The following TRERF1 variants were observed in gnomAD, a reference collection of about 807,000 sequenced individuals.
The protein encoded by TRERF1 is transcriptional-regulating factor 1.
Under a neutral mutation model 122.9 loss-of-function variants are expected in TRERF1, and 27 were observed. That is an observed-to-expected ratio of 0.22 (90% CI 0.16 to 0.30). The LOEUF (loss-of-function observed/expected upper bound fraction) is 0.30, where lower values mean the gene tolerates loss of function less well. Among genes scored for constraint, TRERF1 ranks in the 10% least tolerant of loss-of-function variants. The pLI, the probability that TRERF1 is intolerant of heterozygous loss-of-function variation, is 1.00. For missense variants in TRERF1, 1,248 were observed against 1,560.3 expected, an observed-to-expected ratio of 0.80 and a Z score of 3.37; for synonymous variants, 636 against 641.7, an observed-to-expected ratio of 0.99 and a Z score of 0.13.
intron 15 of TRERF1, among the ~76,000 whole-genome samples, chr6:42,237,019 T>C (rs1326579739): frequency 6.6e-6 from 1 of 152,268 alleles, no homozygotes; most frequent in Non-Finnish European, 1.5e-5. Flanking sequence ...TTCCCTTTTA[T>C]TTGTCATGTG....
At chr6:42,365,527 G>T (rs1461692626) in intron 2 of TRERF1, among the ~76,000 whole-genome samples, 1 of 152,136 alleles carries the variant, frequency 6.6e-6, no homozygotes, top group Non-Finnish European at 1.5e-5. Flanking sequence ...CGCATGAGAA[G>T]ATTCATTATT....
chr6:42,382,097 G>T (rs1466606589), intron 2 of TRERF1, among the ~76,000 whole-genome samples: 1 of 151,726 alleles, frequency 6.6e-6, no homozygotes, highest in Non-Finnish European at 1.5e-5. Flanking sequence ...GGTGAGGAGT[G>T]AGGAGTGAAG....
chr6:42,274,229 G>T (rs931626048), intron 4 of TRERF1, among the ~76,000 whole-genome samples: 1 of 152,208 alleles, frequency 6.6e-6, no homozygotes, highest in African/African-American at 2.4e-5. Flanking sequence ...CCCTCTTGGT[G>T]AGTCCGATGC....
intron 2 of TRERF1, among the ~76,000 whole-genome samples, chr6:42,373,286 A>T (rs972293759): frequency 6.6e-6 from 1 of 152,044 alleles, no homozygotes; most frequent in African/African-American, 2.4e-5. Flanking sequence ...TAATCCTAGC[A>T]CTTTGGGAGG....
Position 42,274,930 on chromosome 6 carries a change from C to T in TRERF1, c.-258-5082G>A, listed in dbSNP as rs142534567. Among the ~76,000 whole-genome samples, 400 of 152,202 alleles carry T rather than the reference C, an allele frequency of 2.6e-3. 3 individuals carry two copies. The highest frequency in any genetic ancestry group is 4.4e-3 in the South Asian group (21 of 4,814). On this transcript the variant is annotated intron_variant, in intron 4 of 17. Coordinates refer to ENST00000372922, the Ensembl canonical transcript of TRERF1. ...GAAAAGCATGCAAATTGTAAAAATA[C>T]GGGCGTGAAAAGTCTCCCTCCACCT...
chr6:42,227,316 G>A (rs1367374764), exon 18 of TRERF1: 1 of 152,212 alleles, frequency 6.6e-6, no homozygotes, highest in Non-Finnish European at 1.5e-5. Flanking sequence ...CAGTCCAGCG[G>A]ATGTGAATTA....
intron 3 of TRERF1, among the ~76,000 whole-genome samples, chr6:42,322,157 T>G (rs543483654): frequency 3.7e-4 from 57 of 152,170 alleles, no homozygotes; most frequent in Middle Eastern, 3.4e-3. Flanking sequence ...GAATCTTACT[T>G]ATAAAGGTAA....
intron 2 of TRERF1, among the ~76,000 whole-genome samples, chr6:42,377,112 T>A (rs1019780961): frequency 1.3e-5 from 2 of 149,506 alleles, no homozygotes; most frequent in Non-Finnish European, 3.0e-5. Flanking sequence ...GTGATCCACC[T>A]GTCTCGGCCT....
At chr6:42,299,585 A>G (rs1456888117) in intron 4 of TRERF1, among the ~76,000 whole-genome samples, 1 of 152,230 alleles carries the variant, frequency 6.6e-6, no homozygotes, top group Non-Finnish European at 1.5e-5. Flanking sequence ...AACATATTAT[A>G]GATGATTTGA....
At chr6:42,402,866 G>A (rs948841155) in intron 2 of TRERF1, among the ~76,000 whole-genome samples, 1 of 152,090 alleles carries the variant, frequency 6.6e-6, no homozygotes, top group Non-Finnish European at 1.5e-5. Context: ...GAAAACTGAC[G>A]CTAGGAGAGG....
At chr6:42,256,080 G>A (rs540798356) in intron 12 of TRERF1, among the ~76,000 whole-genome samples, 2 of 147,170 alleles carry the variant, frequency 1.4e-5, no homozygotes, top group Non-Finnish European at 3.0e-5. Context: ...GCGGTGAGCC[G>A]AGATCATGCC....
At chr6:42,355,710 C>T (rs954310441) in intron 3 of TRERF1, among the ~76,000 whole-genome samples, 6 of 152,132 alleles carry the variant, frequency 3.9e-5, no homozygotes, top group African/African-American at 1.2e-4. Flanking sequence ...TGTGTGTCCA[C>T]GTGGACATTA....
At chr6:42,408,222 T>C in intron 2 of TRERF1, among the ~76,000 whole-genome samples, 1 of 117,236 alleles carries the variant, frequency 8.5e-6, no homozygotes, top group Non-Finnish European at 1.7e-5. Context: ...TATATATATA[T>C]ATATATGTGT....
intron 16 of TRERF1, among the ~76,000 whole-genome samples, chr6:42,233,537 G>A (rs573496229): frequency 8.6e-5 from 13 of 151,782 alleles, no homozygotes; most frequent in East Asian, 3.9e-4. Flanking sequence ...TGCCCGCCTT[G>A]GCCTCCCAAA....
intron 2 of TRERF1, among the ~76,000 whole-genome samples, chr6:42,395,406 A>G (rs1188575037): frequency 6.6e-6 from 1 of 152,112 alleles, no homozygotes; most frequent in Non-Finnish European, 1.5e-5. Flanking sequence ...GTTCTCAGGA[A>G]ATGTCTGACA....
chr6:42,309,156 A>G (rs1291644060), intron 3 of TRERF1, among the ~76,000 whole-genome samples: 2 of 152,172 alleles, frequency 1.3e-5, no homozygotes, highest in East Asian at 1.9e-4. Context: ...AACACAGCCT[A>G]AAAGGCAGGG....
chr6:42,343,114 T>G (rs1273249045), intron 3 of TRERF1, among the ~76,000 whole-genome samples: 1 of 152,134 alleles, frequency 6.6e-6, no homozygotes, highest in Non-Finnish European at 1.5e-5. Flanking sequence ...GAGCCACAAC[T>G]CCATCCATCT....
At chr6:42,331,575 C>T (rs1006870614) in intron 3 of TRERF1, among the ~76,000 whole-genome samples, 1 of 152,168 alleles carries the variant, frequency 6.6e-6, no homozygotes, top group Non-Finnish European at 1.5e-5. Context: ...TCAGAGGGGT[C>T]AGAGGTATAG....
intron 3 of TRERF1, among the ~76,000 whole-genome samples, chr6:42,301,152 C>T (rs1786099665): frequency 6.6e-6 from 1 of 152,216 alleles, no homozygotes; most frequent in Admixed American, 6.5e-5. Context: ...GGGGGAGCTA[C>T]AGCAGCTTAC....
Sources: allele counts gnomAD v4.1 joint callset (sites outside exome capture counted in the v4.1 genomes callset), GRCh38; gene constraint gnomAD v4.1.1; transcripts MANE v1.5; gene names NCBI Gene and HGNC (gene_info 2026-07-23, HGNC 2026-07-21).